CDH9: variants seen among roughly 807,000 people sequenced by gnomAD.
CDH9 encodes the protein cadherin-9.
CDH9 carries 28 observed loss-of-function variants against 70.9 expected under a neutral mutation model. The observed-to-expected ratio is 0.40, with a 90% CI of 0.29 to 0.54. The LOEUF (loss-of-function observed/expected upper bound fraction) is 0.54. Ranked by LOEUF, CDH9 falls within the 20% of genes least tolerant of loss-of-function variation. The pLI is 0.59. For synonymous variants in CDH9, 409 were observed against 343.1 expected, an observed-to-expected ratio of 1.19 and a Z score of -2.12; for missense variants, 874 against 984.4, an observed-to-expected ratio of 0.89 and a Z score of 1.50.
At chr5:26,986,040 G>A (rs1742482553) in intron 2 of CDH9, among the ~76,000 whole-genome samples, 2 of 150,690 alleles carry the variant, frequency 1.3e-5, no homozygotes, top group African/African-American at 4.9e-5. Context: ...ATGTGGTAAT[G>A]GAATATCTTA....
intron 1 of CDH9, among the ~76,000 whole-genome samples, chr5:27,035,675 C>T (rs10473826): frequency 0.023 from 3,282 of 142,938 alleles, 169 homozygotes; most frequent in African/African-American, 0.083. Context: ...TTGCTATTGA[C>T]GTGTGTGTGT....
chr5:26,954,531 C>T (rs532051699), intron 2 of CDH9, among the ~76,000 whole-genome samples: 4 of 151,510 alleles, frequency 2.6e-5, no homozygotes, highest in Non-Finnish European at 5.9e-5. Flanking sequence ...ACTACAGGTG[C>T]CCGCCACTAC....
At chr5:26,931,069 G>T (rs559448030) in intron 2 of CDH9, among the ~76,000 whole-genome samples, 7 of 152,214 alleles carry the variant, frequency 4.6e-5, no homozygotes, top group African/African-American at 1.7e-4. Context: ...CTGTACTTGA[G>T]CTCTCATAGC....
chr5:26,966,843 T>A (rs1467282249), intron 2 of CDH9, among the ~76,000 whole-genome samples: 1 of 152,196 alleles, frequency 6.6e-6, no homozygotes, highest in Non-Finnish European at 1.5e-5. Flanking sequence ...TCCTCAGTGG[T>A]CAGTCTATCT....
At chr5:27,015,288 C>A (rs3811925) in intron 1 of CDH9, among the ~76,000 whole-genome samples, 1 of 151,506 alleles carries the variant, frequency 6.6e-6, no homozygotes, top group Admixed American at 6.6e-5. Flanking sequence ...TGATCGTGTT[C>A]TCACTATTGA....
intron 2 of CDH9, among the ~76,000 whole-genome samples, chr5:26,944,205 G>T (rs965308292): frequency 6.7e-6 from 1 of 149,780 alleles, no homozygotes; most frequent in South Asian, 2.1e-4. Context: ...TATTTCTTTA[G>T]ATTCTTGCTA....
chr5:26,914,834 T>TA (rs1741120425), intron 3 of CDH9, among the ~76,000 whole-genome samples: 1 of 152,068 alleles, frequency 6.6e-6, no homozygotes, highest in Non-Finnish European at 1.5e-5. Context: ...TGGCTGCAGA[T>TA]CTTGTAAATT....
chr5:27,018,230 A>G (rs924105301), intron 1 of CDH9, among the ~76,000 whole-genome samples: 3 of 151,898 alleles, frequency 2.0e-5, no homozygotes, highest in Non-Finnish European at 4.4e-5. Context: ...TCCTATTTAC[A>G]TATGGGAAGA....
intron 2 of CDH9, among the ~76,000 whole-genome samples, chr5:26,936,624 A>G (rs1440648061): frequency 2.0e-5 from 3 of 152,170 alleles, no homozygotes; most frequent in Admixed American, 1.3e-4. Context: ...TATAACTGAC[A>G]TTACTCAAAG....
intron 2 of CDH9, among the ~76,000 whole-genome samples, chr5:26,966,962 T>C (rs1270732848): frequency 6.6e-6 from 1 of 152,112 alleles, no homozygotes; most frequent in Non-Finnish European, 1.5e-5. Context: ...TGACAGGATC[T>C]CACTCTGTTG....
intron 1 of CDH9, among the ~76,000 whole-genome samples, chr5:27,023,034 A>G (rs1051177326): frequency 6.6e-5 from 10 of 152,056 alleles, no homozygotes; most frequent in African/African-American, 2.4e-4. Flanking sequence ...AATGACTTTG[A>G]AACTGAAAGA....
At chr5:26,939,944 G>A (rs1354843205) in intron 2 of CDH9, among the ~76,000 whole-genome samples, 2 of 152,032 alleles carry the variant, frequency 1.3e-5, no homozygotes, top group Non-Finnish European at 1.5e-5. Context: ...GAGCCCAGGA[G>A]TTTGAGACCA....
intron 2 of CDH9, among the ~76,000 whole-genome samples, chr5:26,923,079 A>G (rs1295877671): frequency 2.1e-5 from 3 of 140,668 alleles, no homozygotes; most frequent in Non-Finnish European, 4.7e-5. Context: ...TAAAAAAAAA[A>G]AAAAAAACAC....
intron 1 of CDH9, among the ~76,000 whole-genome samples, chr5:27,025,583 C>A (rs1332613514): frequency 6.6e-6 from 1 of 151,994 alleles, no homozygotes; most frequent in African/African-American, 2.4e-5. Flanking sequence ...AACAGTGGAA[C>A]CTGCAAGACA....
At chr5:27,032,412 A>G (rs1311116484) in intron 1 of CDH9, among the ~76,000 whole-genome samples, 1 of 151,660 alleles carries the variant, frequency 6.6e-6, no homozygotes, top group Non-Finnish European at 1.5e-5. Flanking sequence ...TAATTTTTGG[A>G]AAATTATGTA....
At chr5:27,001,400 C>T (rs999494131) in intron 1 of CDH9, among the ~76,000 whole-genome samples, 3 of 152,064 alleles carry the variant, frequency 2.0e-5, no homozygotes, top group African/African-American at 7.2e-5. Flanking sequence ...TATACTGGAA[C>T]TGAACAATTA....
intron 2 of CDH9, among the ~76,000 whole-genome samples, chr5:26,938,285 T>TATATATATAATATATATATATA (rs1452125497): frequency 6.6e-6 from 1 of 151,638 alleles, no homozygotes; most frequent in Non-Finnish European, 1.5e-5. Context: ...CATTATCTAT[T>TATATATATAATATATATATATA]ATATATATTT....
At chr5:26,986,089 T>A (rs1742483553) in intron 2 of CDH9, among the ~76,000 whole-genome samples, 2 of 152,244 alleles carry the variant, frequency 1.3e-5, no homozygotes, top group South Asian at 4.1e-4. Context: ...GTTTTTTCTT[T>A]AAAAAGTAGT....
chr5:27,011,361 A>G (rs548815652), intron 1 of CDH9, among the ~76,000 whole-genome samples: 11 of 152,196 alleles, frequency 7.2e-5, no homozygotes, highest in African/African-American at 2.6e-4. Context: ...ACTCAATATT[A>G]CTGGGGTTCT....
Sources: gnomAD v4.1 joint callset for allele counts (sites outside exome capture counted in the v4.1 genomes callset) on GRCh38, gnomAD v4.1.1 for gene constraint, MANE v1.5 for transcripts, NCBI Gene and HGNC (gene_info 2026-07-23, HGNC 2026-07-21) for gene names.